The following CGREF1 variants were observed in gnomAD, a reference collection of about 807,000 sequenced individuals.
CGREF1 encodes cell growth regulator with EF-hand domain 1, also known as cell growth regulator with EF hand domain protein 1.
In CGREF1, 16 loss-of-function variants were observed where a neutral mutation model predicts 17.4. The ratio of observed to expected loss-of-function variants is 0.92; its 90% CI spans 0.62 to 1.40. CGREF1 has a LOEUF of 1.40. Among genes scored for constraint, CGREF1 ranks in the 40% most tolerant of loss-of-function variants. The probability of loss-of-function intolerance (pLI) is 0.00; values close to 1 mark genes in which losing one functional copy is unlikely to be tolerated. For missense variants in CGREF1, 296 were observed against 376.4 expected, an observed-to-expected ratio of 0.79 and a Z score of 1.77; for synonymous variants, 142 against 154.6, an observed-to-expected ratio of 0.92 and a Z score of 0.61.
chr2:27,102,622 A>G, intron 2 of CGREF1, 31 bp from the exon 3 acceptor site: 2 of 1,595,284 alleles, frequency 1.3e-6, no homozygotes, highest in Non-Finnish European at 1.7e-6. Flanking sequence ...CCAGCCTTGC[A>G]GAGAGCCTCC....
intron 1 of CGREF1, among the ~76,000 whole-genome samples, chr2:27,107,393 T>A (rs1348455822): frequency 6.6e-6 from 1 of 152,004 alleles, no homozygotes; most frequent in Non-Finnish European, 1.5e-5. Context: ...TAGCTGGGAT[T>A]ACAGGCATGT....
At chr2:27,109,885 CAAAAAAAAA>C (rs55824603) in intron 1 of CGREF1, among the ~76,000 whole-genome samples, 2 of 65,824 alleles carry the variant, frequency 3.0e-5, no homozygotes, top group African/African-American at 8.7e-5. Flanking sequence ...GACTCCGTCT[CAAAAAAAAA>C]AAAAAAAAAA....
At chr2:27,110,004 C>T (rs968399881) in intron 1 of CGREF1, among the ~76,000 whole-genome samples, 14 of 140,224 alleles carry the variant, frequency 1.0e-4, no homozygotes, top group Admixed American at 2.8e-4. Flanking sequence ...ATTTTAAAAA[C>T]TGAACTAAAA....
chr2:27,102,854 G>A (rs1053270528), intron 2 of CGREF1: 2 of 858,134 alleles, frequency 2.3e-6, no homozygotes, highest in Middle Eastern at 5.9e-4. Flanking sequence ...GTAGAGGCCA[G>A]ATGAGGCCAC....
At chr2:27,115,899 G>A (rs1196365555) in intron 1 of CGREF1, among the ~76,000 whole-genome samples, 2 of 152,088 alleles carry the variant, frequency 1.3e-5, no homozygotes, top group Admixed American at 6.6e-5. Context: ...CTTAGCATTC[G>A]GTTATAGCCC....
At chr2:27,099,981 C>G, downstream of CGREF1, 1 of 892,862 alleles carries the variant, frequency 1.1e-6, no homozygotes. Context: ...CTTCTCCTCT[C>G]AATGTCTGAA....
At chr2:27,116,815 C>G (rs79499271) in intron 1 of CGREF1, among the ~76,000 whole-genome samples, 3 of 150,380 alleles carry the variant, frequency 2.0e-5, no homozygotes, top group Non-Finnish European at 3.0e-5. Flanking sequence ...GTGATCTGCC[C>G]ACCTTGGCCT....
chr2:27,100,464 A>G, downstream of CGREF1: 2 of 1,291,018 alleles, frequency 1.5e-6, no homozygotes, highest in Non-Finnish European at 2.0e-6. Flanking sequence ...CAGGATACAG[A>G]GTGTTGCTGT....
chr2:27,117,302 T>C (rs1055949167), intron 1 of CGREF1, among the ~76,000 whole-genome samples: 5 of 152,222 alleles, frequency 3.3e-5, no homozygotes, highest in Non-Finnish European at 7.3e-5. Flanking sequence ...TCATGTAATG[T>C]GTAATGAGGT....
rs1670776309 is a variant in CGREF1 at position 27,100,795 on chromosome 2, T to C, written c.*479A>G. The C allele has an allele frequency of 9.0e-7, 1 of 1,111,666 alleles. No homozygotes were observed. The highest frequency in any genetic ancestry group is 1.1e-6 in the Non-Finnish European group (1 of 902,988). The allele number at this position is 1,111,666 out of a possible 1,614,324, so 68.9% of individuals were successfully genotyped here. ...CTCAAAAAGTTCTAGTGATGATTAA[T>C]ATTACTGGGGATGGGGTCACCTGCC... On this transcript the variant is annotated 3_prime_UTR_variant, in exon 6 of 6. Transcript: ENST00000402394.
At chr2:27,115,847 G>A (rs1220562654) in intron 1 of CGREF1, among the ~76,000 whole-genome samples, 1 of 152,172 alleles carries the variant, frequency 6.6e-6, no homozygotes, top group African/African-American at 2.4e-5. Context: ...TGCCCAACCT[G>A]TTCCATCCTC....
At chr2:27,099,919 G>A (rs1670703583), downstream of CGREF1, 2 of 1,456,022 alleles carry the variant, frequency 1.4e-6, no homozygotes, top group Non-Finnish European at 1.9e-6. Context: ...GCTCTGGGGG[G>A]ATGGCTGGGG....
At chr2:27,116,863 C>G (rs1250562034) in intron 1 of CGREF1, among the ~76,000 whole-genome samples, 2 of 144,856 alleles carry the variant, frequency 1.4e-5, no homozygotes, top group Non-Finnish European at 3.0e-5. Context: ...GCCACCAGGC[C>G]AGGCCTATTC....
Position 27,100,962 on chromosome 2 carries a change from A to G in CGREF1, c.*312T>C. ...CTAGCACCATGCGCTCTGCTGCCGG[A>G]GCACCGTGAGGCCCAGAAACACTGG... is the stretch of plus-strand genomic sequence containing the variant. On this transcript the variant is annotated 3_prime_UTR_variant, in exon 6 of 6. Coordinates refer to ENST00000402394, the MANE Select transcript of CGREF1 (RefSeq NM_006569.6). 1.7e-6 allele frequency: 2 copies of G among 1,158,090 alleles called. No individual in the cohort carries two copies. The highest frequency in any genetic ancestry group is 2.1e-6 in the Non-Finnish European group (2 of 939,482). 71.7% of individuals were successfully genotyped at this position (1,158,090 alleles called of 1,614,324 possible). A position where few individuals can be genotyped will look rare whatever the true frequency, so the allele number is the denominator to read the frequency against.
In CGREF1 at chr2:27,101,129, C is replaced by T. The variant is rs1670800521; in HGVS notation, c.*145G>A. 7.0e-7 allele frequency: 1 copy of T among 1,433,252 alleles called. No homozygotes were observed. The highest frequency in any genetic ancestry group is 1.4e-5 in the African/African-American group (1 of 70,064). The allele number at this position is 1,433,252 out of a possible 1,614,324, so 88.8% of individuals were successfully genotyped here. On this transcript the variant is annotated 3_prime_UTR_variant, in exon 6 of 6. Transcript: ENST00000402394. ...ATCTGCCCCTTAACTTAGGGTCTCC[C>T]TGAGCTGCACAGAAAGACCTGATAC... is the stretch of plus-strand genomic sequence containing the variant.
chr2:27,107,663 G>A (rs546897384), intron 1 of CGREF1, among the ~76,000 whole-genome samples: 10 of 151,432 alleles, frequency 6.6e-5, no homozygotes, highest in East Asian at 5.8e-4. Flanking sequence ...GGCCGGGTGT[G>A]GTGGCTCATG....
intron 1 of CGREF1, among the ~76,000 whole-genome samples, chr2:27,112,413 A>C (rs1264242022): frequency 6.6e-6 from 1 of 152,240 alleles, no homozygotes; most frequent in African/African-American, 2.4e-5. Flanking sequence ...AGAAAAACTT[A>C]ATAGCAAAAC....
At chr2:27,107,220 C>T (rs924672079) in intron 1 of CGREF1, among the ~76,000 whole-genome samples, 1 of 151,760 alleles carries the variant, frequency 6.6e-6, no homozygotes, top group Non-Finnish European at 1.5e-5. Context: ...GGAATTGTTA[C>T]ACACAGAATA....
At chr2:27,099,372 G>A (rs1203023313), downstream of CGREF1, 2 of 1,611,778 alleles carry the variant, frequency 1.2e-6, no homozygotes, top group East Asian at 2.2e-5. Context: ...GAGGATGGCT[G>A]GGGGGACGGG....
Sources: allele counts gnomAD v4.1 joint callset (sites outside exome capture counted in the v4.1 genomes callset), GRCh38; gene constraint gnomAD v4.1.1; transcripts MANE v1.5; gene names NCBI Gene and HGNC (gene_info 2026-07-23, HGNC 2026-07-21).